DTHD1: variants seen among roughly 807,000 people sequenced by gnomAD.
The protein encoded by DTHD1 is death domain-containing protein 1.
In DTHD1, 59 loss-of-function variants were observed where a neutral mutation model predicts 74.8. That is an observed-to-expected ratio of 0.79 (90% CI 0.64 to 0.98). DTHD1 has a LOEUF of 0.98. Ranked by LOEUF, DTHD1 falls within the 50% of genes least tolerant of loss-of-function variation. The probability of loss-of-function intolerance (pLI) is 0.00; values close to 1 mark genes in which losing one functional copy is unlikely to be tolerated. For synonymous variants in DTHD1, 365 were observed against 371.1 expected, an observed-to-expected ratio of 0.98 and a Z score of 0.19; for missense variants, 1,051 against 1,065.4, an observed-to-expected ratio of 0.99 and a Z score of 0.19.
intron 5 of DTHD1, among the ~76,000 whole-genome samples, chr4:36,299,508 C>A (rs982370519): frequency 2.6e-5 from 4 of 152,298 alleles, no homozygotes; most frequent in African/African-American, 9.6e-5. Context: ...AAATTTTAAA[C>A]TTTTTCTGAA....
intron 9 of DTHD1, 131 bp from the exon 10 acceptor site, chr4:36,343,371 T>G (rs773833172): frequency 1.3e-6 from 1 of 783,164 alleles, no homozygotes; most frequent in Non-Finnish European, 2.0e-6. Context: ...CCAGGTAGTC[T>G]CATATCTCTG....
intron 7 of DTHD1, among the ~76,000 whole-genome samples, chr4:36,311,484 A>G: frequency 2.3e-5 from 1 of 43,132 alleles, no homozygotes; most frequent in East Asian, 8.0e-4. Context: ...CCTCACCCCC[A>G]GTTCTCTCCT....
intron 5 of DTHD1, among the ~76,000 whole-genome samples, chr4:36,301,691 TC>T (rs1756781567): frequency 6.6e-6 from 1 of 152,186 alleles, no homozygotes; most frequent in African/African-American, 2.4e-5. Context: ...CATCTACTTA[TC>T]TGTATACTCC....
chr4:36,340,137 C>T (rs1248901065), intron 9 of DTHD1, among the ~76,000 whole-genome samples: 1 of 152,188 alleles, frequency 6.6e-6, no homozygotes, highest in African/African-American at 2.4e-5. Context: ...CACATGAATC[C>T]TCCCACATGA....
chr4:36,334,358 GTT>G (rs34455692), intron 8 of DTHD1, among the ~76,000 whole-genome samples: 1,461 of 138,788 alleles, frequency 0.011, 10 homozygotes, highest in Middle Eastern at 0.044. Context: ...ATTTTTTTTG[GTT>G]TTTTTTTTTT....
At chr4:36,287,031 G>A (rs1326584257) in intron 2 of DTHD1, among the ~76,000 whole-genome samples, 2 of 151,668 alleles carry the variant, frequency 1.3e-5, no homozygotes, top group Non-Finnish European at 2.9e-5. Flanking sequence ...TTGGTTACAC[G>A]AATAAGTTCT....
intron 5 of DTHD1, among the ~76,000 whole-genome samples, chr4:36,305,773 C>A (rs751642755): frequency 7.2e-5 from 11 of 152,124 alleles, no homozygotes; most frequent in African/African-American, 9.7e-5. Context: ...CTTTGCTATT[C>A]TAGAGCATCT....
At chr4:36,315,799 A>G (rs1757677030) in intron 7 of DTHD1, 1 of 152,904 alleles carries the variant, frequency 6.5e-6, no homozygotes, top group South Asian at 2.1e-4. Context: ...CGAGTAATCT[A>G]CATGGTCTCT....
chr4:36,299,781 A>T (rs1756651862), intron 5 of DTHD1, among the ~76,000 whole-genome samples: 1 of 152,222 alleles, frequency 6.6e-6, no homozygotes, highest in Non-Finnish European at 1.5e-5. Context: ...AAAATAACGC[A>T]TACCTTAAAA....
intron 8 of DTHD1, among the ~76,000 whole-genome samples, chr4:36,326,019 G>T (rs1362483995): frequency 6.6e-6 from 1 of 151,952 alleles, no homozygotes; most frequent in Non-Finnish European, 1.5e-5. Context: ...TGGCATATAG[G>T]GCCCATTGCA....
At chr4:36,317,631 T>C (rs2109524976) in intron 8 of DTHD1, among the ~76,000 whole-genome samples, 1 of 152,336 alleles carries the variant, frequency 6.6e-6, no homozygotes, top group African/African-American at 2.4e-5. Flanking sequence ...CATATGTATC[T>C]CAAATTATAT....
At chr4:36,292,978 C>A (rs1756172540) in intron 3 of DTHD1, among the ~76,000 whole-genome samples, 1 of 152,186 alleles carries the variant, frequency 6.6e-6, no homozygotes, top group Non-Finnish European at 1.5e-5. Context: ...ATATCTTAGT[C>A]ATTTGCTCCC....
intron 7 of DTHD1, 147 bp from the exon 8 acceptor site, chr4:36,316,095 C>T (rs946674353): frequency 9.1e-6 from 6 of 662,776 alleles, no homozygotes; most frequent in Admixed American, 6.6e-5. Context: ...GCCACCACGC[C>T]CGGTTAATTT....
At position 36,282,024 on chromosome 4, in the gene DTHD1, GA is replaced by G; in HGVS notation, c.270del (p.Glu91LysfsTer6). On this transcript the variant is annotated frameshift_variant, in exon 1 of 10. Transcript: ENST00000639862. LOFTEE classifies it high-confidence loss of function. ...LLDKENQCVSRKEIITFIDCL... is the reference protein window; with the variant it reads ...LLDKENQCVSXKEIITFIDCL... ...GACAAAGAGAATCAATGTGTCTCGA[GA>G]AAAGGCAAGTATTCTTTTTTTTAGT... is the stretch of plus-strand genomic sequence containing the variant. The G allele has an allele frequency of 6.6e-7, 1 of 1,523,194 alleles. No individual in the cohort carries two copies. Among genetic ancestry groups the G allele is most frequent in the Non-Finnish European group, 8.8e-7 (1 of 1,132,154 alleles). 94.4% of individuals were successfully genotyped at this position (1,523,194 alleles called of 1,614,324 possible).
intron 8 of DTHD1, among the ~76,000 whole-genome samples, chr4:36,336,623 G>T (rs912726280): frequency 2.0e-5 from 3 of 152,144 alleles, no homozygotes; most frequent in Admixed American, 6.5e-5. Context: ...TGGGCTGTTT[G>T]TAACTCCCCC....
intron 5 of DTHD1, among the ~76,000 whole-genome samples, chr4:36,297,662 C>A (rs1011942984): frequency 6.6e-6 from 1 of 152,112 alleles, no homozygotes; most frequent in African/African-American, 2.4e-5. Flanking sequence ...ATTCCAGCTT[C>A]ATGACTTAGT....
rs113826680 is a variant in DTHD1, at chr4:36,341,881, G to A, written c.2399-1621G>A. ...AGGGATCACTATAGTAGTGATGGCA[G>A]CAAAGAGCATATTGAGCAGAAGCAA... On this transcript the variant is annotated intron_variant, in intron 9 of 9. Transcript: ENST00000639862. Among the ~76,000 whole-genome samples, 651 of 152,326 alleles carry A rather than the reference G, an allele frequency of 4.3e-3. 5 individuals carry two copies. Among genetic ancestry groups the A allele is most frequent in the African/African-American group, 0.014 (585 of 41,570 alleles).
At chr4:36,322,118 T>C (rs1432682665) in intron 8 of DTHD1, among the ~76,000 whole-genome samples, 2 of 151,826 alleles carry the variant, frequency 1.3e-5, no homozygotes, top group African/African-American at 4.8e-5. Context: ...TAATCTGCCC[T>C]ATTTTTTCCC....
intron 8 of DTHD1, among the ~76,000 whole-genome samples, chr4:36,324,242 T>C (rs989102674): frequency 3.3e-5 from 5 of 151,708 alleles, no homozygotes; most frequent in African/African-American, 7.3e-5. Context: ...CTGTCCCTTC[T>C]CCCCTTTCTC....
Sources: allele counts gnomAD v4.1 joint callset (sites outside exome capture counted in the v4.1 genomes callset), GRCh38; gene constraint gnomAD v4.1.1; transcripts MANE v1.5; gene names NCBI Gene and HGNC (gene_info 2026-07-23, HGNC 2026-07-21).